The following ROBO2 variants were observed in gnomAD, a reference collection of about 807,000 sequenced individuals.
ROBO2 encodes roundabout homolog 2.
A neutral mutation model predicts 160.8 loss-of-function variants in ROBO2; 53 were observed. The observed-to-expected ratio is 0.33, with a 90% CI of 0.26 to 0.41. ROBO2 has a LOEUF of 0.41. Ranked by LOEUF, ROBO2 falls within the 10% of genes least tolerant of loss-of-function variation. The pLI is 1.00. For missense variants in ROBO2, 1,577 were observed against 1,722.4 expected, an observed-to-expected ratio of 0.92 and a Z score of 1.49; for synonymous variants, 664 against 611.7, an observed-to-expected ratio of 1.09 and a Z score of -1.26.
At chr3:76,999,610 C>G (rs1468206896) in intron 2 of ROBO2, among the ~76,000 whole-genome samples, 2 of 152,076 alleles carry the variant, frequency 1.3e-5, no homozygotes, top group Non-Finnish European at 2.9e-5. Context: ...GTCATAATTA[C>G]AGAAATTTCA....
intron 2 of ROBO2, among the ~76,000 whole-genome samples, chr3:77,446,084 A>G (rs1433660759): frequency 6.6e-6 from 1 of 152,034 alleles, no homozygotes; most frequent in Admixed American, 6.6e-5. Context: ...GAGGACCAGC[A>G]AGAAATCATT....
At chr3:76,079,844 AAAAG>A (rs1410008834) in intron 2 of ROBO2, among the ~76,000 whole-genome samples, 3 of 152,174 alleles carry the variant, frequency 2.0e-5, no homozygotes, top group East Asian at 1.9e-4. Flanking sequence ...AACAAAGAAA[AAAAG>A]AAAGAAGGAA....
At chr3:76,832,348 A>G (rs1427914477) in intron 2 of ROBO2, among the ~76,000 whole-genome samples, 1 of 152,208 alleles carries the variant, frequency 6.6e-6, no homozygotes, top group African/African-American at 2.4e-5. Flanking sequence ...ATTATAGCAC[A>G]CTTATTAATG....
chr3:75,926,738 T>G (rs1947309159), intron 1 of ROBO2, among the ~76,000 whole-genome samples: 2 of 152,170 alleles, frequency 1.3e-5, no homozygotes, highest in Non-Finnish European at 2.9e-5. Flanking sequence ...CAGTGATAAA[T>G]CAAAGAGCAA....
At chr3:76,488,502 C>T (rs934157947) in intron 2 of ROBO2, among the ~76,000 whole-genome samples, 2 of 152,180 alleles carry the variant, frequency 1.3e-5, no homozygotes, top group African/African-American at 4.8e-5. Context: ...AGCATATCAG[C>T]TGCTCCTTCA....
intron 2 of ROBO2, among the ~76,000 whole-genome samples, chr3:76,749,152 TAATA>T (rs1379417875): frequency 1.8e-4 from 28 of 151,974 alleles, no homozygotes; most frequent in African/African-American, 6.0e-4. Context: ...AATACTATGT[TAATA>T]AATATAATCT....
intron 2 of ROBO2, among the ~76,000 whole-genome samples, chr3:76,256,285 G>C (rs1327343945): frequency 1.3e-5 from 2 of 149,702 alleles, no homozygotes; most frequent in Non-Finnish European, 3.0e-5. Context: ...ACTGCAGCCT[G>C]GGTGACAGAG....
intron 2 of ROBO2, among the ~76,000 whole-genome samples, chr3:76,420,290 C>T (rs2075938465): frequency 2.0e-5 from 3 of 152,266 alleles, no homozygotes; most frequent in East Asian, 1.9e-4. Flanking sequence ...GCTGGGATTA[C>T]AGTCATGAGC....
At chr3:76,685,266 C>T (rs1282414472) in intron 2 of ROBO2, among the ~76,000 whole-genome samples, 2 of 148,580 alleles carry the variant, frequency 1.3e-5, no homozygotes, top group African/African-American at 2.5e-5. Context: ...GAAAGACAGT[C>T]GAGGTTTTGA....
intron 2 of ROBO2, among the ~76,000 whole-genome samples, chr3:76,446,845 A>G (rs1224693934): frequency 2.6e-5 from 4 of 152,236 alleles, no homozygotes; most frequent in Non-Finnish European, 4.4e-5. Flanking sequence ...CATATGTAGA[A>G]AGTTGAAACT....
At chr3:77,331,853 G>A (rs1167061838) in intron 2 of ROBO2, among the ~76,000 whole-genome samples, 1 of 151,954 alleles carries the variant, frequency 6.6e-6, no homozygotes, top group African/African-American at 2.4e-5. Flanking sequence ...TTACAGGCAC[G>A]TGCCACCACG....
At chr3:76,005,631 A>G (rs1438238707) in intron 2 of ROBO2, among the ~76,000 whole-genome samples, 1 of 152,202 alleles carries the variant, frequency 6.6e-6, no homozygotes, top group Non-Finnish European at 1.5e-5. Flanking sequence ...TGATAAGCCA[A>G]TAATTTCCTC....
chr3:76,587,444 C>T (rs1458650445), intron 2 of ROBO2, among the ~76,000 whole-genome samples: 1 of 152,110 alleles, frequency 6.6e-6, no homozygotes, highest in Non-Finnish European at 1.5e-5. Flanking sequence ...AGGAAACTTA[C>T]AATTGTGGTG....
chr3:77,238,428 C>G (rs1171021542), intron 2 of ROBO2, among the ~76,000 whole-genome samples: 1 of 152,044 alleles, frequency 6.6e-6, no homozygotes, highest in Non-Finnish European at 1.5e-5. Context: ...TGTTAGCATT[C>G]CATGCCTTTT....
chr3:77,412,841 C>T (rs968404967), intron 2 of ROBO2, among the ~76,000 whole-genome samples: 2 of 152,326 alleles, frequency 1.3e-5, no homozygotes, highest in African/African-American at 2.4e-5. Flanking sequence ...TGTTCCTTTC[C>T]TACCCTAGCT....
At chr3:75,928,146 G>T (rs1174549252) in intron 1 of ROBO2, among the ~76,000 whole-genome samples, 2 of 151,682 alleles carry the variant, frequency 1.3e-5, no homozygotes, top group African/African-American at 2.4e-5. Flanking sequence ...CACCACGCCC[G>T]GCTTATTTTT....
chr3:77,114,791 T>G (rs1446507300), intron 2 of ROBO2, among the ~76,000 whole-genome samples: 1 of 152,206 alleles, frequency 6.6e-6, no homozygotes, highest in Non-Finnish European at 1.5e-5. Flanking sequence ...ATTTTTTTAC[T>G]CATATATTTG....
chr3:76,498,819 G>A (rs984815737), intron 2 of ROBO2, among the ~76,000 whole-genome samples: 1 of 151,698 alleles, frequency 6.6e-6, no homozygotes, highest in African/African-American at 2.4e-5. Flanking sequence ...CTCCTGAATA[G>A]CTGGGATTAC....
intron 2 of ROBO2, among the ~76,000 whole-genome samples, chr3:76,948,888 ATATATATATATATATATATAT>A (rs1487883437): frequency 6.8e-4 from 17 of 24,836 alleles, no homozygotes; most frequent in African/African-American, 2.1e-3. Context: ...ATATATATAT[ATATATATATATATATATATAT>A]TTTTTTTTTT....
Sources: allele counts gnomAD v4.1 joint callset (sites outside exome capture counted in the v4.1 genomes callset), GRCh38; gene constraint gnomAD v4.1.1; transcripts MANE v1.5; gene names NCBI Gene and HGNC (gene_info 2026-07-23, HGNC 2026-07-21).